Variants in GRIN3A observed in about 807,000 individuals in gnomAD.
GRIN3A encodes the protein glutamate receptor ionotropic, NMDA 3A.
GRIN3A carries 47 observed loss-of-function variants against 92.4 expected under a neutral mutation model. That is an observed-to-expected ratio of 0.51 (90% confidence interval 0.40 to 0.65). GRIN3A has a LOEUF of 0.65. Ranked by LOEUF, GRIN3A falls within the 30% of genes least tolerant of loss-of-function variation. The pLI is 0.00. For missense variants in GRIN3A, 1,324 were observed against 1,393.1 expected (o/e 0.95, Z 0.79); for synonymous variants, 527 against 540.6 (o/e 0.97, Z 0.35).
At chr9:101,617,893 C>T (rs540700748) in intron 5 of GRIN3A, among the ~76,000 whole-genome samples, 2 of 148,152 alleles carry the variant, frequency 1.3e-5, no homozygotes, top group South Asian at 2.2e-4. Context: ...TGAGAATATG[C>T]GGTGTTTGGT....
intron 1 of GRIN3A, among the ~76,000 whole-genome samples, chr9:101,700,717 T>C (rs780448280): frequency 6.6e-4 from 100 of 152,192 alleles, no homozygotes; most frequent in Non-Finnish European, 1.2e-3. Flanking sequence ...GGGTCAACTT[T>C]TCAGTTATTT....
At chr9:101,718,795 T>A (rs1829976264) in intron 1 of GRIN3A, among the ~76,000 whole-genome samples, 1 of 152,198 alleles carries the variant, frequency 6.6e-6, no homozygotes, top group South Asian at 2.1e-4. Flanking sequence ...TTTAAAAAAG[T>A]ACTCAGATTC....
rs548269327 is a variant in GRIN3A, at chr9:101,717,877, G to A, written c.699+19404C>T. On this transcript the variant is annotated intron_variant, in intron 1 of 8. Transcript: ENST00000361820. ...GAAGGAAGTAGGAAAAGTTTAATAG[G>A]GTAGTAGAAACAGGTTTTCTATTTA... Among the ~76,000 whole-genome samples the A allele has an allele frequency of 2.6e-5, 4 of 152,220 alleles. No homozygotes were observed. The East Asian group carries it at 7.7e-4, about 29-fold the overall frequency.
At chr9:101,622,995 AACAC>A (rs5899450) in intron 5 of GRIN3A, among the ~76,000 whole-genome samples, 12 of 147,534 alleles carry the variant, frequency 8.1e-5, no homozygotes, top group Middle Eastern at 6.9e-3. Context: ...CCTGCCACTA[AACAC>A]ACACACACAC....
chr9:101,730,195 G>T (rs904751703), intron 1 of GRIN3A, among the ~76,000 whole-genome samples: 18 of 152,048 alleles, frequency 1.2e-4, no homozygotes, highest in Non-Finnish European at 1.5e-5. Context: ...TAAATTGCGG[G>T]TACACTTCAG....
chr9:101,684,114 CTTTCTTTT>C (rs972309455), intron 2 of GRIN3A, among the ~76,000 whole-genome samples: 2 of 133,622 alleles, frequency 1.5e-5, no homozygotes, highest in Non-Finnish European at 3.2e-5. Context: ...TTCTTTCTTT[CTTTCTTTT>C]TTTTTTTGTG....
In GRIN3A at chr9:101,706,885, T is replaced by A. The variant is rs149092638; in HGVS notation, c.700-19685A>T. On this transcript the variant is annotated intron_variant, in intron 1 of 8. Transcript: ENST00000361820. Reference sequence around the variant, plus strand: ...GTGAATGTGTTGTCAAATGACCAGGTTTTATAGTCTCTCAAGTCAGGGAGA... The same window carrying A: ...GTGAATGTGTTGTCAAATGACCAGGATTTATAGTCTCTCAAGTCAGGGAGA... Among the ~76,000 whole-genome samples, 47 of 152,276 alleles carry A rather than the reference T, an allele frequency of 3.1e-4. 1 individual carries two copies. The East Asian group carries it at 8.7e-3, about 28-fold the overall frequency.
At chr9:101,723,853 G>T (rs941154277) in intron 1 of GRIN3A, among the ~76,000 whole-genome samples, 1 of 151,216 alleles carries the variant, frequency 6.6e-6, no homozygotes, top group East Asian at 1.9e-4. Flanking sequence ...ACAGAGTGCC[G>T]ATTGGTGTAT....
chr9:101,612,439 A>G (rs1461428078), intron 6 of GRIN3A, among the ~76,000 whole-genome samples: 1 of 152,194 alleles, frequency 6.6e-6, no homozygotes. Flanking sequence ...GACAACTTAA[A>G]TTTCAGATGC....
intron 3 of GRIN3A, 130 bp downstream of exon 3, chr9:101,669,930 C>G (rs1829294668): frequency 1.2e-5 from 8 of 691,642 alleles, no homozygotes; most frequent in South Asian, 1.1e-4. Context: ...GACTTTTGGA[C>G]TAGTCTCTAT....
intron 1 of GRIN3A, among the ~76,000 whole-genome samples, chr9:101,722,174 C>T (rs1244995479): frequency 6.6e-6 from 1 of 152,230 alleles, no homozygotes; most frequent in Non-Finnish European, 1.5e-5. Flanking sequence ...ACATAGAGCT[C>T]AGGCTGTGGC....
chr9:101,623,668 C>G (rs1470618164), intron 4 of GRIN3A, among the ~76,000 whole-genome samples: 1 of 152,234 alleles, frequency 6.6e-6, no homozygotes, highest in African/African-American at 2.4e-5. Flanking sequence ...TATCTACCAG[C>G]TCCTTTAATT....
At chr9:101,722,990 C>T (rs542931273) in intron 1 of GRIN3A, among the ~76,000 whole-genome samples, 6 of 152,266 alleles carry the variant, frequency 3.9e-5, no homozygotes, top group African/African-American at 1.2e-4. Flanking sequence ...CAGAATGATA[C>T]GGTTTGGCTG....
rs1462683305 is a variant in GRIN3A at position 101,675,666 on chromosome 9, G to GT, written c.1305-4560_1305-4559insA. Among the ~76,000 whole-genome samples the GT allele has an allele frequency of 2.0e-4, 28 of 140,342 alleles. No individual in the cohort carries two copies. In the East Asian group the frequency reaches 2.6e-3, roughly 13 times the overall value. 92.1% of individuals were successfully genotyped at this position (140,342 alleles called of 152,430 possible). A position where few individuals can be genotyped will look rare whatever the true frequency, so the allele number is the denominator to read the frequency against. On this transcript the variant is annotated intron_variant, in intron 2 of 8. Coordinates refer to ENST00000361820, the MANE Select transcript of GRIN3A (RefSeq NM_133445.3). ...CCTGGCACAATGTTGACATAGGAGG[G>GT]GTTTTTTTTTTGTAATTTTAAAAGG... is the stretch of plus-strand genomic sequence containing the variant.
At chr9:101,624,841 C>T (rs1344778568) in intron 4 of GRIN3A, among the ~76,000 whole-genome samples, 1 of 152,158 alleles carries the variant, frequency 6.6e-6, no homozygotes, top group Non-Finnish European at 1.5e-5. Flanking sequence ...CAAATCAAAA[C>T]CACAATGAGA....
rs541030043 is a variant in GRIN3A at position 101,619,268 on chromosome 9, G to A, written c.2614+4050C>T. Among the ~76,000 whole-genome samples, 9 of 152,212 alleles carry A rather than the reference G, an allele frequency of 5.9e-5. No homozygotes were observed. The South Asian group carries it at 1.9e-3, about 32-fold the overall frequency. On this transcript the variant is annotated intron_variant, in intron 5 of 8. Transcript: ENST00000361820. Reference sequence around the variant, plus strand: ...TTGGAATACCATATTTAGCTACTCTGGGATAATGGTTGAGAACATATTGTA... The same window carrying A: ...TTGGAATACCATATTTAGCTACTCTAGGATAATGGTTGAGAACATATTGTA...
At chr9:101,694,884 C>T (rs1829664973) in intron 1 of GRIN3A, among the ~76,000 whole-genome samples, 1 of 152,098 alleles carries the variant, frequency 6.6e-6, no homozygotes, top group Non-Finnish European at 1.5e-5. Flanking sequence ...TATTAGTAAG[C>T]AATGAAATCC....
intron 5 of GRIN3A, among the ~76,000 whole-genome samples, chr9:101,621,302 T>G (rs1198574229): frequency 1.3e-5 from 2 of 149,796 alleles, no homozygotes; most frequent in Non-Finnish European, 3.0e-5. Flanking sequence ...AAAAAAACAA[T>G]TTGTGAAATT....
chr9:101,692,141 A>G (rs1035567745), intron 1 of GRIN3A, among the ~76,000 whole-genome samples: 2 of 152,142 alleles, frequency 1.3e-5, no homozygotes, highest in East Asian at 1.9e-4. Context: ...TTTTCATACA[A>G]TGGTCTCAGC....
Sources: gnomAD v4.1 joint callset for allele counts (sites outside exome capture counted in the v4.1 genomes callset) on GRCh38, gnomAD v4.1.1 for gene constraint, MANE v1.5 for transcripts, NCBI Gene and HGNC (gene_info 2026-07-23, HGNC 2026-07-21) for gene names.